DNAH9: variants seen among roughly 807,000 people sequenced by gnomAD.
The protein encoded by DNAH9 is DNAH9 variant protein.
A neutral mutation model predicts 471.6 loss-of-function variants in DNAH9; 345 were observed. That is an observed-to-expected ratio of 0.73 (90% CI 0.67 to 0.80). The LOEUF is 0.80. DNAH9 is among the 30% of genes least tolerant of loss of function. The pLI is 0.00. For missense variants in DNAH9, 5,407 were observed against 5,609.2 expected, an observed-to-expected ratio of 0.96 and a Z score of 1.15; for synonymous variants, 2,093 against 2,123.6, an observed-to-expected ratio of 0.99 and a Z score of 0.40.
At chr17:11,940,773 AG>A (rs2151044969) in intron 66 of DNAH9, among the ~76,000 whole-genome samples, 1 of 152,346 alleles carries the variant, frequency 6.6e-6, no homozygotes, top group Non-Finnish European at 1.5e-5. Context: ...GAGTTGGGAA[AG>A]GGGACAAGTG....
rs751634130 is a variant in DNAH9 at position 11,629,473 on chromosome 17, C to T, written c.1407C>T (p.Gly469=). 1.1e-5 allele frequency: 18 copies of T among 1,613,884 alleles called. No individual in the cohort carries two copies. Among genetic ancestry groups the T allele is most frequent in the East Asian group, 6.7e-5 (3 of 44,890 alleles). Residue 469 remains glycine (G), a synonymous_variant, in exon 7 of 69, where the codon GGC becomes GGT. Transcript: ENST00000262442. ...AACTGGGAAAGGTGGAGTTCAGCGGCGTCAGAGGGAATGCTCTGAGTCAGC... is the reference window on the plus strand; with the variant it reads ...AACTGGGAAAGGTGGAGTTCAGCGGTGTCAGAGGGAATGCTCTGAGTCAGC... ...FHKLGKVEFS[G]VRGNALSQQV...
rs1968646344 is a variant in DNAH9, at chr17:11,781,010, T to A, written c.7554T>A (p.Ala2518=). The change falls in exon 39 of 69, where the codon GCT becomes GCA. Residue 2518 remains alanine (A), a splice_region_variant and synonymous_variant. Transcript: ENST00000262442. ...CTCACCGACTGGCTCTCTCCCCAGC[T>A]GTCCTGGAGAAGCCTCTGGAAAAGA... is the stretch of plus-strand genomic sequence containing the variant. ...NYYTTSAMLQ[A]VLEKPLEKKA... 6.2e-7 allele frequency: 1 copy of A among 1,613,520 alleles called. No homozygotes were observed. The highest frequency in any genetic ancestry group is 8.5e-7 in the Non-Finnish European group (1 of 1,179,792).
intron 55 of DNAH9, chr17:11,883,295 T>C: frequency 9.2e-7 from 1 of 1,089,916 alleles, no homozygotes; most frequent in Non-Finnish European, 1.1e-6. Flanking sequence ...ACACTGATAA[T>C]GCAGTGTGTT....
Position 11,769,260 on chromosome 17 carries a change from C to T in DNAH9, c.7483C>T (p.Leu2495Phe). 1.2e-6 allele frequency: 2 copies of T among 1,614,106 alleles called. No homozygotes were observed. The highest frequency in any genetic ancestry group is 1.7e-6 in the Non-Finnish European group (2 of 1,180,028). The stretch of plus-strand genomic sequence containing the variant: ...GCTGGTGGGAGCTAAGCTGGCCAGC[C>T]TTGACCCCGAGGCATACCTGGTGAA... The part of the protein sequence containing the change: ...SVLVGAKLAS[L>F]DPEAYLVKNV... Residue 2495 changes from leucine to phenylalanine, a missense_variant, in exon 38 of 69, where the codon CTT becomes TTT. Coordinates refer to ENST00000262442, the MANE Select transcript of DNAH9 (RefSeq NM_001372.4).
In DNAH9 at chr17:11,739,053, G is replaced by A; in HGVS notation, c.5972+16G>A. The A allele has an allele frequency of 6.4e-7, 1 of 1,557,710 alleles. No homozygotes were observed. On this transcript the variant is annotated intron_variant, in intron 29 of 68. Transcript: ENST00000262442. The stretch of plus-strand genomic sequence containing the variant: ...CTCTCTTCAGGTGAGTGTCAGTTCT[G>A]CCCCATGCAAAAGCCCCAAAAGAGA...
At chr17:11,644,569 C>A in intron 10 of DNAH9, 62 bp from the exon 11 acceptor site, 2 of 1,257,134 alleles carry the variant, frequency 1.6e-6, no homozygotes, top group South Asian at 2.5e-5. Context: ...GCAGTTTGTT[C>A]CTCGGATTAT....
intron 67 of DNAH9, among the ~76,000 whole-genome samples, chr17:11,959,027 C>G (rs766530428): frequency 3.3e-5 from 5 of 152,090 alleles, no homozygotes; most frequent in Admixed American, 6.6e-5. Context: ...ATTTAAAAAT[C>G]ATATGATCAT....
chr17:11,668,948 A>G (rs764991721), intron 15 of DNAH9, 116 bp from the exon 16 acceptor site: 10 of 728,242 alleles, frequency 1.4e-5, no homozygotes, highest in Middle Eastern at 4.0e-4. Flanking sequence ...CCGTTTCCCT[A>G]CAGTCTAGCA....
chr17:11,789,944 C>A (rs774719743), intron 41 of DNAH9, among the ~76,000 whole-genome samples: 1 of 151,940 alleles, frequency 6.6e-6, no homozygotes, highest in Non-Finnish European at 1.5e-5. Flanking sequence ...TTCTTTGACT[C>A]ACGGAATATT....
At position 11,852,844 on chromosome 17, in the gene DNAH9, A is replaced by G. The variant is rs1437555317; in HGVS notation, c.9508-1159A>G. 7.8e-4 allele frequency among the ~76,000 whole-genome samples: 105 copies of G among 134,612 alleles called. 3 individuals carry two copies. The highest frequency in any genetic ancestry group is 3.8e-3 in the Middle Eastern group (1 of 266). The allele number at this position is 134,612 out of a possible 152,430, so 88.3% of individuals were successfully genotyped here. On this transcript the variant is annotated intron_variant, in intron 49 of 68. Coordinates refer to ENST00000262442, the MANE Select transcript of DNAH9 (RefSeq NM_001372.4). ...TATATATATATATATATATATATAT[A>G]TATATATATATATATATGAAAGTGT...
Position 11,930,044 on chromosome 17 carries a change from C to G in DNAH9, c.12056C>G (p.Pro4019Arg). 6.2e-7 allele frequency: 1 copy of G among 1,614,138 alleles called. No homozygotes were observed. The highest frequency in any genetic ancestry group is 1.1e-5 in the South Asian group (1 of 91,078). The change falls in exon 63 of 69, where the codon CCC becomes CGC. Residue 4019 changes from proline (P) to arginine (R), a missense_variant. Coordinates refer to ENST00000262442, the MANE Select transcript of DNAH9 (RefSeq NM_001372.4). ...TCCATTAAGATCACCAATGAGCCCC[C>G]CACGGGCATGCATGCCAACCTGCAC... Reference protein sequence around the residue: ...ENSIKITNEPPTGMHANLHKA... With the variant: ...ENSIKITNEPRTGMHANLHKA...
At chr17:11,601,874 G>A (rs1232676466) in intron 1 of DNAH9, among the ~76,000 whole-genome samples, 1 of 152,202 alleles carries the variant, frequency 6.6e-6, no homozygotes, top group Non-Finnish European at 1.5e-5. Flanking sequence ...TTGTGTGTGT[G>A]TGGGCGGGGC....
intron 44 of DNAH9, among the ~76,000 whole-genome samples, chr17:11,808,752 G>A (rs1259802346): frequency 2.6e-5 from 4 of 152,260 alleles, no homozygotes; most frequent in South Asian, 2.1e-4. Context: ...TATGGGAATC[G>A]CTGGGGATCT....
At chr17:11,877,060 G>T (rs1291421962) in intron 53 of DNAH9, among the ~76,000 whole-genome samples, 1 of 151,914 alleles carries the variant, frequency 6.6e-6, no homozygotes, top group Non-Finnish European at 1.5e-5. Context: ...GGATGATGGT[G>T]ATGGATGCAC....
Position 11,701,139 on chromosome 17 carries a change from C to T in DNAH9, c.5043C>T (p.Asn1681=), listed in dbSNP as rs776434927. 33 of 1,614,024 alleles carry T rather than the reference C, an allele frequency of 2.0e-5. No individual in the cohort carries two copies. Among genetic ancestry groups the T allele is most frequent in the Non-Finnish European group, 2.7e-5 (32 of 1,180,012 alleles). Residue 1681 remains asparagine, a synonymous_variant, in exon 24 of 69, where the codon AAC becomes AAT. Transcript: ENST00000262442. ...DCSGQVEIWL[N]HVLGHMKATV... ...TCTTTCAGGTAGAAATATGGCTGAA[C>T]CATGTCCTTGGTCACATGAAGGCCA...
intron 50 of DNAH9, 150 bp downstream of exon 50, chr17:11,854,578 A>G (rs1971556586): frequency 1.0e-6 from 1 of 967,582 alleles, no homozygotes; most frequent in South Asian, 1.8e-5. Flanking sequence ...AGTAGAGGCA[A>G]CTTTTTACAT....
At chr17:11,686,346 G>T (rs1209165191) in intron 19 of DNAH9, among the ~76,000 whole-genome samples, 1 of 151,958 alleles carries the variant, frequency 6.6e-6, no homozygotes, top group Non-Finnish European at 1.5e-5. Flanking sequence ...AGCTTTCCAG[G>T]CATTTCTCTT....
intron 19 of DNAH9, among the ~76,000 whole-genome samples, chr17:11,686,507 T>C (rs1245426106): frequency 6.6e-6 from 1 of 152,150 alleles, no homozygotes; most frequent in East Asian, 1.9e-4. Context: ...ACGAGGTCTA[T>C]GAATATCCTG....
intron 23 of DNAH9, 76 bp from the exon 24 acceptor site, chr17:11,701,046 A>G: frequency 6.6e-7 from 1 of 1,519,574 alleles, no homozygotes; most frequent in Non-Finnish European, 9.1e-7. Context: ...ACTCCCTCAG[A>G]CTGAGTGGAA....
Sources: gnomAD v4.1 joint callset for allele counts (sites outside exome capture counted in the v4.1 genomes callset) on GRCh38, gnomAD v4.1.1 for gene constraint, MANE v1.5 for transcripts, NCBI Gene and HGNC (gene_info 2026-07-23, HGNC 2026-07-21) for gene names.